Variants in DNAH3 observed in about 807,000 individuals in gnomAD.
DNAH3 encodes the protein axonemal beta dynein heavy chain 3.
DNAH3 carries 332 observed loss-of-function variants against 432.5 expected under a neutral mutation model. The ratio of observed to expected loss-of-function variants is 0.77; its 90% CI spans 0.70 to 0.84. The LOEUF (loss-of-function observed/expected upper bound fraction) is 0.84, where lower values mean the gene tolerates loss of function less well. Among genes scored for constraint, DNAH3 ranks in the 40% least tolerant of loss-of-function variants. The probability of loss-of-function intolerance (pLI) is 0.00; values close to 1 mark genes in which losing one functional copy is unlikely to be tolerated. For missense variants in DNAH3, 4,861 were observed against 5,114.0 expected, an observed-to-expected ratio of 0.95 and a Z score of 1.51; for synonymous variants, 1,956 against 1,900.2, an observed-to-expected ratio of 1.03 and a Z score of -0.76.
chr16:21,085,306 G>C (rs2091327889), intron 19 of DNAH3, among the ~76,000 whole-genome samples: 1 of 152,048 alleles, frequency 6.6e-6, no homozygotes, highest in African/African-American at 2.4e-5. Context: ...AACTTTGGGA[G>C]GTTGAGGCGG....
intron 41 of DNAH3, among the ~76,000 whole-genome samples, chr16:21,016,663 T>C (rs943929898): frequency 1.3e-5 from 2 of 152,140 alleles, no homozygotes; most frequent in African/African-American, 2.4e-5. Context: ...TCTGAGTATA[T>C]ACACCAGAAA....
exon 53 of DNAH3, chr16:20,963,507 T>G: frequency 1.9e-6 from 3 of 1,613,666 alleles, no homozygotes; most frequent in African/African-American, 2.7e-5. Context: ...ACCCAGGGAG[T>G]TGCTCCTCAT....
chr16:20,937,337 A>G (rs1276481060), intron 59 of DNAH3, among the ~76,000 whole-genome samples: 1 of 151,866 alleles, frequency 6.6e-6, no homozygotes, highest in African/African-American at 2.4e-5. Flanking sequence ...CGACTGCAAA[A>G]TGTTCCATTT....
chr16:21,126,376 C>T (rs141754064), intron 8 of DNAH3, among the ~76,000 whole-genome samples: 108 of 152,222 alleles, frequency 7.1e-4, no homozygotes, highest in African/African-American at 2.5e-3. Flanking sequence ...ATTTATTGAG[C>T]AGCTATTATG....
At chr16:20,952,468 T>C (rs1438349545) in exon 56 of DNAH3, 2 of 1,613,370 alleles carry the variant, frequency 1.2e-6, no homozygotes, top group East Asian at 4.5e-5. Context: ...GGGCACCTCC[T>C]TGTAGTCATT....
intron 20 of DNAH3, among the ~76,000 whole-genome samples, chr16:21,079,247 T>C (rs1254227485): frequency 1.3e-5 from 2 of 152,228 alleles, no homozygotes; most frequent in African/African-American, 4.8e-5. Flanking sequence ...CAATGGCTAA[T>C]AATCTGAAGT....
intron 19 of DNAH3, among the ~76,000 whole-genome samples, chr16:21,083,516 GCTTC>G (rs2091264717): frequency 6.6e-6 from 1 of 152,160 alleles, no homozygotes; most frequent in Non-Finnish European, 1.5e-5. Context: ...TAGATTTGTG[GCTTC>G]CATTTCGTTT....
exon 10 of DNAH3, chr16:21,122,024 T>G (rs1400885055): frequency 1.2e-6 from 2 of 1,613,930 alleles, no homozygotes; most frequent in Non-Finnish European, 1.7e-6. Context: ...AAAAGATGGA[T>G]TGAAGACAAT....
chr16:21,016,190 G>A (rs970839757), intron 41 of DNAH3, among the ~76,000 whole-genome samples: 7 of 151,882 alleles, frequency 4.6e-5, no homozygotes, highest in Non-Finnish European at 1.0e-4. Flanking sequence ...AAATGTTACC[G>A]ATCTCTTGAC....
exon 48 of DNAH3, chr16:20,985,470 C>T: frequency 1.2e-6 from 2 of 1,614,232 alleles, no homozygotes; most frequent in Non-Finnish European, 1.7e-6. Context: ...CTTTGTCCTG[C>T]TTCAGGACAC....
chr16:20,955,275 G>T (rs193169381), intron 54 of DNAH3, among the ~76,000 whole-genome samples: 2 of 152,108 alleles, frequency 1.3e-5, no homozygotes, highest in East Asian at 3.9e-4. Flanking sequence ...ACTATGCTAA[G>T]CATTTAACAT....
chr16:21,076,657 G>GAA (rs2090986348), intron 20 of DNAH3, among the ~76,000 whole-genome samples: 1 of 152,032 alleles, frequency 6.6e-6, no homozygotes. Context: ...AGAGAATAAG[G>GAA]AAGTTCCCTC....
intron 17 of DNAH3, 68 bp downstream of exon 17, chr16:21,098,548 T>C (rs908554345): frequency 3.4e-6 from 5 of 1,491,232 alleles, no homozygotes; most frequent in African/African-American, 1.4e-5. Flanking sequence ...AAATAGGAAA[T>C]TCACAACCAA....
chr16:21,149,933 A>G (rs1213325741), intron 1 of DNAH3, among the ~76,000 whole-genome samples: 1 of 152,210 alleles, frequency 6.6e-6, no homozygotes, highest in Admixed American at 6.5e-5. Flanking sequence ...CATTAAAAAT[A>G]CAGGTAAATC....
chr16:20,991,601 T>C (rs1436775361), intron 44 of DNAH3, among the ~76,000 whole-genome samples: 1 of 152,150 alleles, frequency 6.6e-6, no homozygotes, highest in East Asian at 1.9e-4. Flanking sequence ...TAATTTATAG[T>C]TTTTTCCCTC....
chr16:20,987,405 C>G (rs765076744), exon 47 of DNAH3: 2 of 1,614,064 alleles, frequency 1.2e-6, no homozygotes, highest in South Asian at 1.1e-5. Context: ...ATAGAAGACC[C>G]GATAAACCTC....
chr16:21,097,547 A>C (rs763269495), intron 17 of DNAH3, 48 bp from the exon 18 acceptor site: 11 of 1,604,704 alleles, frequency 6.9e-6, no homozygotes, highest in Non-Finnish European at 8.5e-6. Flanking sequence ...TGTTCTCCTA[A>C]GCCCTCGAAG....
At chr16:20,970,865 T>TC (rs2085310860) in intron 51 of DNAH3, among the ~76,000 whole-genome samples, 1 of 84,322 alleles carries the variant, frequency 1.2e-5, no homozygotes. Context: ...TCTCTATTCT[T>TC]TTTTTTTTTT....
intron 55 of DNAH3, among the ~76,000 whole-genome samples, chr16:20,953,337 T>A (rs965970323): frequency 6.6e-6 from 1 of 152,068 alleles, no homozygotes. Context: ...TTACGTAGTT[T>A]TAGTAGAGAC....
Sources: gnomAD v4.1 joint callset for allele counts (sites outside exome capture counted in the v4.1 genomes callset) on GRCh38, gnomAD v4.1.1 for gene constraint, MANE v1.5 for transcripts, NCBI Gene and HGNC (gene_info 2026-07-23, HGNC 2026-07-21) for gene names.